Variants in ACER3 observed in about 807,000 individuals in gnomAD.
The protein encoded by ACER3 is alkaline ceramidase 3.
A neutral mutation model predicts 48.9 loss-of-function variants in ACER3; 16 were observed. The ratio of observed to expected loss-of-function variants is 0.33; its 90% CI spans 0.22 to 0.50. ACER3 has a LOEUF of 0.50. Among genes scored for constraint, ACER3 ranks in the 20% least tolerant of loss-of-function variants. ACER3 has a pLI of 0.98. For synonymous variants in ACER3, 109 were observed against 107.8 expected (o/e 1.01, Z -0.07); for missense variants, 227 against 326.0 (o/e 0.70, Z 2.34).
chr11:77,012,216 G>A lies in ACER3; in HGVS notation c.498-2800G>A, dbSNP rs1029037248. ...GGGTGGATCACGAGGTCAAGAGATC[G>A]AGACCATCCTGGCCAACACAGTGAA... On this transcript the variant is annotated intron_variant, in intron 7 of 10. Coordinates refer to ENST00000532485, the MANE Select transcript of ACER3 (RefSeq NM_018367.7). Among the ~76,000 whole-genome samples, 11 of 152,002 alleles carry A rather than the reference G, an allele frequency of 7.2e-5. No homozygotes were observed. In the South Asian group the frequency reaches 1.2e-3, roughly 17 times the overall value.
chr11:76,948,552 C>T (rs60521259), intron 2 of ACER3, among the ~76,000 whole-genome samples: 1,535 of 152,188 alleles, frequency 0.01, 32 homozygotes, highest in African/African-American at 0.035. Context: ...CCCTGGAAGT[C>T]ATAGTTGGCA....
intron 1 of ACER3, among the ~76,000 whole-genome samples, chr11:76,902,356 A>T (rs1055673259): frequency 6.6e-6 from 1 of 152,198 alleles, no homozygotes; most frequent in Non-Finnish European, 1.5e-5. Context: ...TTCCTTTAGC[A>T]ATCCTGGACC....
At chr11:76,940,319 G>A (rs1399990826) in intron 2 of ACER3, among the ~76,000 whole-genome samples, 1 of 152,080 alleles carries the variant, frequency 6.6e-6, no homozygotes, top group Non-Finnish European at 1.5e-5. Flanking sequence ...AAGATAAAAT[G>A]CAAAATGTTA....
At chr11:76,929,244 A>C (rs1328520995) in intron 2 of ACER3, among the ~76,000 whole-genome samples, 1 of 152,152 alleles carries the variant, frequency 6.6e-6, no homozygotes. Context: ...GAGTTCACTT[A>C]TGATTTGGCT....
intron 1 of ACER3, among the ~76,000 whole-genome samples, chr11:76,912,633 T>C (rs1486485467): frequency 1.3e-5 from 2 of 152,152 alleles, no homozygotes; most frequent in Non-Finnish European, 2.9e-5. Context: ...AGATCACTAA[T>C]CTTTGGGGAA....
At chr11:76,877,956 T>C (rs574661740) in intron 1 of ACER3, among the ~76,000 whole-genome samples, 3 of 152,090 alleles carry the variant, frequency 2.0e-5, no homozygotes, top group Non-Finnish European at 4.4e-5. Context: ...CAAATTGTGC[T>C]TATTAGTATC....
intron 2 of ACER3, among the ~76,000 whole-genome samples, chr11:76,927,768 G>GT (rs1328493431): frequency 2.0e-5 from 3 of 152,118 alleles, no homozygotes; most frequent in South Asian, 4.2e-4. Flanking sequence ...CTTCATCCAT[G>GT]TCCCTACAAA....
intron 2 of ACER3, among the ~76,000 whole-genome samples, chr11:76,928,593 G>A (rs1253123923): frequency 1.3e-5 from 2 of 152,058 alleles, no homozygotes; most frequent in Admixed American, 1.3e-4. Context: ...TATGGTTTTA[G>A]GTCTAATATT....
chr11:76,974,095 T>G (rs897267742), intron 3 of ACER3, among the ~76,000 whole-genome samples: 1 of 152,376 alleles, frequency 6.6e-6, no homozygotes, highest in African/African-American at 2.4e-5. Context: ...ATTCTTATGC[T>G]ATTACCACAT....
intron 7 of ACER3, among the ~76,000 whole-genome samples, chr11:77,008,074 A>T (rs1404546855): frequency 1.3e-5 from 2 of 152,124 alleles, no homozygotes; most frequent in African/African-American, 4.8e-5. Flanking sequence ...AATAATATTA[A>T]TTTTTTAAAA....
chr11:76,892,719 T>G (rs951758237), intron 1 of ACER3, among the ~76,000 whole-genome samples: 1 of 152,236 alleles, frequency 6.6e-6, no homozygotes, highest in Non-Finnish European at 1.5e-5. Context: ...TTTTCTAGTC[T>G]AATTTTTGTC....
intron 7 of ACER3, among the ~76,000 whole-genome samples, chr11:77,006,052 C>T (rs1199603683): frequency 2.3e-5 from 3 of 132,924 alleles, no homozygotes; most frequent in Non-Finnish European, 3.3e-5. Flanking sequence ...TGCAGTGGCG[C>T]GATCTTGGCT....
Position 77,020,296 on chromosome 11 carries a change from T to C in ACER3, c.773T>C (p.Val258Ala). 1 of 1,613,850 alleles carries C rather than the reference T, an allele frequency of 6.2e-7. No homozygotes were observed. Among genetic ancestry groups the C allele is most frequent in the Non-Finnish European group, 8.5e-7 (1 of 1,179,950 alleles). ...CAGTTTCTCTTTGGAATCTGGCCAG[T>C]GATCCTGTTTGAGCCTCTCAGGAAG... ...KVKFLFGIWP[V>A]ILFEPLRKH The change falls in exon 11 of 11, where the codon GTG (valine) becomes GCG (alanine). Residue 258 changes from valine (V) to alanine (A), a missense_variant. Physicochemically the swap from Val to Ala is moderately conservative, Grantham distance 64. Around this residue, in one of 3 missense-constraint regions of ACER3, gnomAD observed 5 missense variants for 17.1 expected, o/e 0.29. Transcript: ENST00000532485.
At chr11:76,971,509 C>CA (rs1297455634) in intron 3 of ACER3, among the ~76,000 whole-genome samples, 12 of 151,498 alleles carry the variant, frequency 7.9e-5, no homozygotes, top group Non-Finnish European at 1.5e-4. Flanking sequence ...CACTGCACTC[C>CA]TCCTGGTGAC....
chr11:77,005,487 G>A (rs574132655), intron 7 of ACER3, among the ~76,000 whole-genome samples: 3 of 152,052 alleles, frequency 2.0e-5, no homozygotes, highest in Admixed American at 6.5e-5. Context: ...CACAAGCTAC[G>A]TGGCTTTAAA....
At chr11:76,938,924 A>G (rs1199953072) in intron 2 of ACER3, among the ~76,000 whole-genome samples, 1 of 151,584 alleles carries the variant, frequency 6.6e-6, no homozygotes, top group Non-Finnish European at 1.5e-5. Flanking sequence ...AGGCAGGGAA[A>G]GTACAAGATA....
chr11:76,954,218 A>T lies in ACER3; in HGVS notation c.215-4761A>T, dbSNP rs185249493. On this transcript the variant is annotated intron_variant, in intron 2 of 10. Transcript: ENST00000532485. ...CACCTCGGCCTCCCAAAGTGCTGGG[A>T]TTATAGGTGTGAGCCACCACACCTG... is the stretch of plus-strand genomic sequence containing the variant. Among the ~76,000 whole-genome samples the T allele has an allele frequency of 4.9e-4, 75 of 152,260 alleles. 1 individual carries two copies. Among genetic ancestry groups the T allele is most frequent in the Admixed American group, 1.8e-3 (28 of 15,302 alleles).
chr11:76,896,190 G>C (rs1945923524), intron 1 of ACER3, among the ~76,000 whole-genome samples: 1 of 152,136 alleles, frequency 6.6e-6, no homozygotes, highest in Admixed American at 6.5e-5. Context: ...ATATGAAAGG[G>C]ATTCTGAAAA....
In ACER3 at chr11:77,020,587, C is replaced by A; in HGVS notation, c.*260C>A. On this transcript the variant is annotated 3_prime_UTR_variant, in exon 11 of 11. Coordinates refer to ENST00000532485, the MANE Select transcript of ACER3 (RefSeq NM_018367.7). ...AAACAGAGATGATGTGTGTGTATGC[C>A]TCAAATGCAGAAACAGTTGGGCTTT... 1 of 405,398 alleles carries A rather than the reference C, an allele frequency of 2.5e-6. No individual in the cohort carries two copies. The allele number at this position is 405,398 out of a possible 1,614,324, so 25.1% of individuals were successfully genotyped here.
Sources: allele counts gnomAD v4.1 joint callset (sites outside exome capture counted in the v4.1 genomes callset), GRCh38; gene constraint gnomAD v4.1.1; regional missense constraint gnomAD v4.1.1; transcripts MANE v1.5; gene names NCBI Gene and HGNC (gene_info 2026-07-23, HGNC 2026-07-21).